CCDC60: variants seen among roughly 807,000 people sequenced by gnomAD.
CCDC60 encodes the protein coiled-coil domain-containing protein 60.
In CCDC60, 54 loss-of-function variants were observed where a neutral mutation model predicts 63.5. The observed-to-expected ratio is 0.85, with a 90% CI of 0.68 to 1.07. The LOEUF (loss-of-function observed/expected upper bound fraction) is 1.07. CCDC60 is among the 50% of genes least tolerant of loss of function. The pLI is 0.00. For missense variants in CCDC60, 651 were observed against 684.3 expected (o/e 0.95, Z 0.54); for synonymous variants, 206 against 238.8 (o/e 0.86, Z 1.27).
At chr12:119,485,728 T>G (rs1434615477) in intron 4 of CCDC60, among the ~76,000 whole-genome samples, 2 of 152,172 alleles carry the variant, frequency 1.3e-5, no homozygotes, top group Admixed American at 6.5e-5. Flanking sequence ...TCCCATCTCC[T>G]AACACAGTCA....
intron 5 of CCDC60, among the ~76,000 whole-genome samples, chr12:119,490,506 T>G (rs1951558364): frequency 6.6e-6 from 1 of 152,192 alleles, no homozygotes; most frequent in South Asian, 2.1e-4. Context: ...AAAATGTCTT[T>G]GTGGCTTCCA....
chr12:119,537,206 A>G (rs535898889), intron 13 of CCDC60, among the ~76,000 whole-genome samples: 1 of 152,308 alleles, frequency 6.6e-6, no homozygotes, highest in African/African-American at 2.4e-5. Context: ...TGAATCGGCT[A>G]CTGAAGCTTG....
At chr12:119,476,441 G>C (rs1951180012) in intron 3 of CCDC60, among the ~76,000 whole-genome samples, 1 of 152,122 alleles carries the variant, frequency 6.6e-6, no homozygotes, top group South Asian at 2.1e-4. Flanking sequence ...ATTGAATAAA[G>C]AGTCAGTGGA....
At chr12:119,461,912 G>A (rs190604373) in intron 2 of CCDC60, among the ~76,000 whole-genome samples, 2 of 152,298 alleles carry the variant, frequency 1.3e-5, no homozygotes. Context: ...TTTTAAATGG[G>A]CCTCCGCGGT....
intron 7 of CCDC60, among the ~76,000 whole-genome samples, chr12:119,514,141 A>G (rs118159516): frequency 0.015 from 2,343 of 151,982 alleles, 28 homozygotes; most frequent in Non-Finnish European, 0.026. Context: ...GGCCTAGGCT[A>G]ATGCGTGTGT....
At chr12:119,520,096 T>C (rs1302142988) in intron 8 of CCDC60, 25 bp from the exon 9 acceptor site, 2 of 1,608,144 alleles carry the variant, frequency 1.2e-6, no homozygotes, top group African/African-American at 1.3e-5. Context: ...CAGCGCCTTG[T>C]TAAAGGACTC....
rs763288083 is a variant in CCDC60, at chr12:119,439,586, T to A, written c.170+10824T>A. On this transcript the variant is annotated intron_variant, in intron 2 of 13. Coordinates refer to ENST00000327554, the MANE Select transcript of CCDC60 (RefSeq NM_178499.5). ...GAGCCAATGATTTAAAGAGACCAAT[T>A]AGATTTTAGCTCCATAAGCAAACAG... Among the ~76,000 whole-genome samples, 73 of 152,174 alleles carry A rather than the reference T, an allele frequency of 4.8e-4. 1 individual carries two copies. Among genetic ancestry groups the A allele is most frequent in the Admixed American group, 8.5e-4 (13 of 15,284 alleles).
chr12:119,493,015 A>G (rs1009752505), intron 5 of CCDC60, among the ~76,000 whole-genome samples: 1 of 152,174 alleles, frequency 6.6e-6, no homozygotes, highest in Non-Finnish European at 1.5e-5. Flanking sequence ...AACAGGGAAA[A>G]AAGGCTACAG....
chr12:119,438,653 A>G (rs1329647226), intron 2 of CCDC60, among the ~76,000 whole-genome samples: 1 of 152,226 alleles, frequency 6.6e-6, no homozygotes, highest in South Asian at 2.1e-4. Flanking sequence ...GGAATATATG[A>G]CTAGACCAAT....
intron 2 of CCDC60, among the ~76,000 whole-genome samples, chr12:119,455,829 G>T (rs1240207541): frequency 7.0e-6 from 1 of 142,556 alleles, no homozygotes; most frequent in African/African-American, 2.6e-5. Flanking sequence ...GGAGGAGGAA[G>T]GAGAAGAAGA....
At chr12:119,531,962 C>G (rs1472398701) in intron 13 of CCDC60, among the ~76,000 whole-genome samples, 2 of 152,186 alleles carry the variant, frequency 1.3e-5, no homozygotes, top group Non-Finnish European at 2.9e-5. Context: ...CGCCTCCCTC[C>G]TGGTAAAGAA....
chr12:119,380,505 CT>C (rs1272327596), intron 1 of CCDC60, among the ~76,000 whole-genome samples: 1 of 152,202 alleles, frequency 6.6e-6, no homozygotes, highest in Non-Finnish European at 1.5e-5. Flanking sequence ...GATTTTAGGT[CT>C]TCTCTTACCC....
chr12:119,501,195 C>G (rs1951842523), intron 6 of CCDC60, among the ~76,000 whole-genome samples: 1 of 152,160 alleles, frequency 6.6e-6, no homozygotes, highest in East Asian at 1.9e-4. Flanking sequence ...GGCAAACACA[C>G]TTTGAAAATG....
intron 13 of CCDC60, among the ~76,000 whole-genome samples, chr12:119,537,820 G>A (rs1953048908): frequency 6.6e-6 from 1 of 152,196 alleles, no homozygotes; most frequent in South Asian, 2.1e-4. Flanking sequence ...CCTGTATGAG[G>A]TGTCAGTTGG....
chr12:119,432,921 A>T (rs1202951974), intron 2 of CCDC60, among the ~76,000 whole-genome samples: 4 of 152,178 alleles, frequency 2.6e-5, no homozygotes, highest in Non-Finnish European at 5.9e-5. Flanking sequence ...TACCTTCCTA[A>T]TTGTTTTATA....
chr12:119,408,835 C>A (rs11064783), intron 1 of CCDC60, among the ~76,000 whole-genome samples: 32,165 of 107,026 alleles, frequency 0.3, 3,681 homozygotes, highest in African/African-American at 0.35. Context: ...AAAAAAAAAA[C>A]AAAGAGTAAT....
intron 11 of CCDC60, among the ~76,000 whole-genome samples, chr12:119,526,518 A>G (rs1239684094): frequency 6.6e-6 from 1 of 152,256 alleles, no homozygotes; most frequent in Non-Finnish European, 1.5e-5. Flanking sequence ...TATGCATCTG[A>G]CAAAGGTCTA....
At position 119,531,052 on chromosome 12, in the gene CCDC60, G is replaced by T; in HGVS notation, c.1540G>T (p.Val514Leu). The change falls in exon 13 of 14, where the codon GTG becomes TTG. Residue 514 changes from valine to leucine, a missense_variant. Coordinates refer to ENST00000327554, the MANE Select transcript of CCDC60 (RefSeq NM_178499.5). ...GGAACTGTGCTCCCCTGACATCGCT[G>T]TGGCTATTGAGGTAAACACCACCTC... ...IWELCSPDIAVAIEFVREHII... is the reference protein window; with the variant it reads ...IWELCSPDIALAIEFVREHII... 6.2e-7 allele frequency: 1 copy of T among 1,613,874 alleles called. No homozygotes were observed. Among genetic ancestry groups the T allele is most frequent in the Non-Finnish European group, 8.5e-7 (1 of 1,179,894 alleles).
At position 119,456,042 on chromosome 12, in the gene CCDC60, A is replaced by G. The variant is rs1950737401; in HGVS notation, c.171-15952A>G. Reference sequence around the variant, plus strand: ...AAGAAAGAAAGAAAGAAAGAAAGAAAGAAAGAAAGAAAGAAAGAAAGCAAG... The same window carrying G: ...AAGAAAGAAAGAAAGAAAGAAAGAAGGAAAGAAAGAAAGAAAGAAAGCAAG... On this transcript the variant is annotated intron_variant, in intron 2 of 13. Coordinates refer to ENST00000327554, the MANE Select transcript of CCDC60 (RefSeq NM_178499.5). This position sits in a 1 kb window ranked among gnomAD's most constrained non-coding sequence, Gnocchi z 4.6. 6.8e-6 allele frequency among the ~76,000 whole-genome samples: 1 copy of G among 147,362 alleles called. No homozygotes were observed. The highest frequency in any genetic ancestry group is 2.5e-5 in the African/African-American group (1 of 39,534).
Sources: gnomAD v4.1 joint callset for allele counts (sites outside exome capture counted in the v4.1 genomes callset) on GRCh38, gnomAD v4.1.1 for gene constraint, Gnocchi (gnomAD v3.1) non-coding constraint, MANE v1.5 for transcripts, NCBI Gene and HGNC (gene_info 2026-07-23, HGNC 2026-07-21) for gene names.